Variants in CLHC1 observed in about 807,000 individuals in gnomAD.
The protein encoded by CLHC1 is clathrin heavy chain linker domain-containing protein 1.
Under a neutral mutation model 69.5 loss-of-function variants are expected in CLHC1, and 72 were observed. The observed-to-expected ratio is 1.04, with a 90% CI of 0.86 to 1.26. The LOEUF is 1.26. Ranked by LOEUF, CLHC1 falls within the 50% of genes most tolerant of loss-of-function variation. CLHC1 has a pLI of 0.00. For synonymous variants in CLHC1, 223 were observed against 224.3 expected, an observed-to-expected ratio of 0.99 and a Z score of 0.05; for missense variants, 790 against 679.3, an observed-to-expected ratio of 1.16 and a Z score of -1.81.
intron 9 of CLHC1, among the ~76,000 whole-genome samples, chr2:55,195,572 C>G (rs1295340677): frequency 6.6e-6 from 1 of 152,266 alleles, no homozygotes; most frequent in Admixed American, 6.5e-5. Flanking sequence ...GAGGCCAAGG[C>G]AGGCAGATCA....
intron 9 of CLHC1, among the ~76,000 whole-genome samples, chr2:55,203,960 T>A: frequency 6.6e-6 from 1 of 151,994 alleles, no homozygotes; most frequent in East Asian, 1.9e-4. Flanking sequence ...AACAACTCCA[T>A]AGGAAAAAAA....
intron 2 of CLHC1, chr2:55,224,331 C>A: frequency 2.2e-6 from 1 of 462,918 alleles, no homozygotes; most frequent in Non-Finnish European, 4.4e-6. Context: ...AGTGTGAACT[C>A]CACGCCTTGA....
intron 1 of CLHC1, among the ~76,000 whole-genome samples, chr2:55,231,122 C>T (rs1321769655): frequency 1.3e-5 from 2 of 151,762 alleles, no homozygotes; most frequent in African/African-American, 4.8e-5. Flanking sequence ...TGGTGGTGGG[C>T]GCCTGTAATC....
At chr2:55,226,167 G>A (rs374367020) in intron 2 of CLHC1, among the ~76,000 whole-genome samples, 2 of 149,338 alleles carry the variant, frequency 1.3e-5, no homozygotes, top group East Asian at 4.0e-4. Context: ...ACTCCAGCCT[G>A]GGCAACTGAG....
chr2:55,228,044 C>G lies in CLHC1; in HGVS notation c.-95G>C, dbSNP rs1674886660. 1.3e-5 allele frequency: 2 copies of G among 152,228 alleles called. No homozygotes were observed. The highest frequency in any genetic ancestry group is 6.6e-5 in the Admixed American group (1 of 15,266). The allele number at this position is 152,228 out of a possible 1,614,324, so 9.4% of individuals were successfully genotyped here. ...CACTTTGATTCACCTGGCTTTTACTCTTTCTTCAGCTTCAGGAAAGCTGTC... is the reference window on the plus strand; with the variant it reads ...CACTTTGATTCACCTGGCTTTTACTGTTTCTTCAGCTTCAGGAAAGCTGTC... On this transcript the variant is annotated 5_prime_UTR_variant, in exon 2 of 13. Coordinates refer to ENST00000401408, the MANE Select transcript of CLHC1 (RefSeq NM_152385.4).
intron 9 of CLHC1, among the ~76,000 whole-genome samples, chr2:55,193,361 C>T (rs1209710764): frequency 6.6e-6 from 1 of 151,326 alleles, no homozygotes; most frequent in Non-Finnish European, 1.5e-5. Flanking sequence ...AAAAGACAAC[C>T]CACAGTTGGG....
At chr2:55,176,638 C>T (rs1201188606) in intron 12 of CLHC1, among the ~76,000 whole-genome samples, 18 of 151,960 alleles carry the variant, frequency 1.2e-4, no homozygotes, top group Admixed American at 1.1e-3. Flanking sequence ...TATCTATTAC[C>T]TGCATTACTT....
At chr2:55,193,551 T>G (rs1036332964) in intron 9 of CLHC1, among the ~76,000 whole-genome samples, 2 of 152,178 alleles carry the variant, frequency 1.3e-5, no homozygotes, top group Non-Finnish European at 2.9e-5. Context: ...CTAACATTAC[T>G]AGTCATTATG....
At chr2:55,194,229 A>G (rs1178925959) in intron 9 of CLHC1, among the ~76,000 whole-genome samples, 3 of 152,200 alleles carry the variant, frequency 2.0e-5, no homozygotes, top group Admixed American at 1.3e-4. Flanking sequence ...ATTACAGTAA[A>G]ATCATTAAAT....
chr2:55,192,592 CA>C (rs1671035812), intron 9 of CLHC1, among the ~76,000 whole-genome samples: 1 of 152,144 alleles, frequency 6.6e-6, no homozygotes, highest in African/African-American at 2.4e-5. Context: ...TACTAAGCTA[CA>C]GTAATCAAGA....
chr2:55,193,592 C>G (rs1037678357), intron 9 of CLHC1, among the ~76,000 whole-genome samples: 2 of 152,026 alleles, frequency 1.3e-5, no homozygotes, highest in African/African-American at 2.4e-5. Context: ...AATGAGATAC[C>G]ACTTCACACT....
chr2:55,199,551 T>C (rs988566713), intron 9 of CLHC1, among the ~76,000 whole-genome samples: 7 of 152,188 alleles, frequency 4.6e-5, no homozygotes, highest in South Asian at 2.1e-4. Context: ...CAATAAGATA[T>C]AGATAGAAAC....
intron 9 of CLHC1, among the ~76,000 whole-genome samples, chr2:55,192,996 T>C (rs937742574): frequency 6.6e-6 from 1 of 151,370 alleles, no homozygotes; most frequent in South Asian, 2.1e-4. Flanking sequence ...GTTCAAGCGA[T>C]TCTCCTGCCT....
At chr2:55,217,308 C>G (rs188570048) in intron 4 of CLHC1, among the ~76,000 whole-genome samples, 38 of 148,740 alleles carry the variant, frequency 2.6e-4, no homozygotes, top group African/African-American at 8.4e-4. Flanking sequence ...TTGAGCTCAG[C>G]AATTCGAGAC....
At chr2:55,198,212 C>T (rs1283221836) in intron 9 of CLHC1, among the ~76,000 whole-genome samples, 1 of 152,072 alleles carries the variant, frequency 6.6e-6, no homozygotes, top group Non-Finnish European at 1.5e-5. Context: ...TAGAAAATAA[C>T]CTCAAAAGTG....
chr2:55,178,212 G>T (rs1205959493), intron 11 of CLHC1, among the ~76,000 whole-genome samples: 1 of 152,050 alleles, frequency 6.6e-6, no homozygotes, highest in African/African-American at 2.4e-5. Flanking sequence ...CTCATATTTG[G>T]ACCAAATTCT....
rs1323952380 is a variant in CLHC1 at position 55,175,985 on chromosome 2, A to G, written c.1566T>C (p.Asp522=). The G allele has an allele frequency of 2.5e-6, 4 of 1,611,456 alleles. No homozygotes were observed. Among genetic ancestry groups the G allele is most frequent in the Non-Finnish European group, 3.4e-6 (4 of 1,178,106 alleles). Residue 522 remains aspartate (D), a splice_region_variant and synonymous_variant, in exon 13 of 13, where the codon GAT becomes GAC. Coordinates refer to ENST00000401408, the MANE Select transcript of CLHC1 (RefSeq NM_152385.4). Reference sequence around the variant, plus strand: ...CATTTATCATAAGACTTTCTACTGCATCTGTGGGGAAAAAATACAATATTA... The same window carrying G: ...CATTTATCATAAGACTTTCTACTGCGTCTGTGGGGAAAAAATACAATATTA... ...LLQEINKGGI[D]AVESLMINDS... is the part of the protein sequence containing the mutation.
intron 3 of CLHC1, among the ~76,000 whole-genome samples, chr2:55,219,787 G>A (rs563037243): frequency 3.3e-5 from 5 of 152,230 alleles, no homozygotes; most frequent in Non-Finnish European, 7.4e-5. Flanking sequence ...GAAGAGGAAT[G>A]GTTTCCATTC....
chr2:55,209,892 G>T, intron 5 of CLHC1, 61 bp from the exon 6 acceptor site: 8 of 1,083,772 alleles, frequency 7.4e-6, no homozygotes, highest in Non-Finnish European at 1.1e-5. Context: ...TGTGCTCAAA[G>T]AGCAAGTCTT....
Sources: gnomAD v4.1 joint callset for allele counts (sites outside exome capture counted in the v4.1 genomes callset) on GRCh38, gnomAD v4.1.1 for gene constraint, MANE v1.5 for transcripts, NCBI Gene and HGNC (gene_info 2026-07-23, HGNC 2026-07-21) for gene names.